The following PXDNL variants were observed in gnomAD, a reference collection of about 807,000 sequenced individuals.
PXDNL encodes the protein peroxidasin like.
PXDNL carries 145 observed loss-of-function variants against 150.8 expected under a neutral mutation model. The observed-to-expected ratio is 0.96, with a 90% CI of 0.84 to 1.10. The LOEUF is 1.10. Among genes scored for constraint, PXDNL ranks in the 50% least tolerant of loss-of-function variants. PXDNL has a pLI of 0.00. For synonymous variants in PXDNL, 757 were observed against 725.7 expected, an observed-to-expected ratio of 1.04 and a Z score of -0.69; for missense variants, 2,087 against 1,873.9, an observed-to-expected ratio of 1.11 and a Z score of -2.10.
At chr8:51,651,456 C>A (rs1815034727) in intron 2 of PXDNL, among the ~76,000 whole-genome samples, 1 of 152,122 alleles carries the variant, frequency 6.6e-6, no homozygotes, top group African/African-American at 2.4e-5. Flanking sequence ...AGTTAAATAA[C>A]TTGCCACACT....
chr8:51,616,658 C>T lies in PXDNL; in HGVS notation c.237-23960G>A, dbSNP rs574008716. Among the ~76,000 whole-genome samples the T allele has an allele frequency of 3.3e-5, 5 of 152,312 alleles. No individual in the cohort carries two copies. The East Asian group carries it at 5.8e-4, about 18-fold the overall frequency. ...TGTATACTTTCAGTACTCCTGTATACTTTAAATCATCTCTAGATTACTTAA... is the reference window on the plus strand; with the variant it reads ...TGTATACTTTCAGTACTCCTGTATATTTTAAATCATCTCTAGATTACTTAA... On this transcript the variant is annotated intron_variant, in intron 2 of 22. Transcript: ENST00000356297.
At chr8:51,568,757 T>C (rs370702231) in intron 3 of PXDNL, among the ~76,000 whole-genome samples, 2 of 151,872 alleles carry the variant, frequency 1.3e-5, no homozygotes, top group African/African-American at 4.8e-5. Flanking sequence ...TTTGTTATTA[T>C]CCTGCCTTTC....
intron 12 of PXDNL, among the ~76,000 whole-genome samples, chr8:51,440,186 C>G (rs1391972576): frequency 1.3e-5 from 2 of 151,912 alleles, no homozygotes; most frequent in African/African-American, 4.8e-5. Context: ...GAATGGAAAA[C>G]CAAATATCTT....
intron 1 of PXDNL, among the ~76,000 whole-genome samples, chr8:51,659,933 C>T (rs923780342): frequency 6.6e-6 from 1 of 151,602 alleles, no homozygotes; most frequent in Non-Finnish European, 1.5e-5. Context: ...TCTTGTCGCC[C>T]AGGCTGGAGT....
chr8:51,319,794 C>A lies in PXDNL; in HGVS notation c.*97G>T. The A allele has an allele frequency of 8.7e-7, 1 of 1,144,476 alleles. No homozygotes were observed. The allele number at this position is 1,144,476 out of a possible 1,614,324, so 70.9% of individuals were successfully genotyped here. A position where few individuals can be genotyped will look rare whatever the true frequency, so the allele number is the denominator to read the frequency against. On this transcript the variant is annotated 3_prime_UTR_variant, in exon 23 of 23. Transcript: ENST00000356297. Reference sequence around the variant, plus strand: ...CTAAGTTGCTTAAGTCAGTGGTTTCCATATCAACAATGTGACTACAAGTTA... The same window carrying A: ...CTAAGTTGCTTAAGTCAGTGGTTTCAATATCAACAATGTGACTACAAGTTA...
intron 5 of PXDNL, among the ~76,000 whole-genome samples, chr8:51,493,223 T>C (rs1317994248): frequency 6.6e-6 from 1 of 152,194 alleles, no homozygotes; most frequent in Admixed American, 6.5e-5. Context: ...CTGAGGGTCC[T>C]GACTGTTAGA....
At chr8:51,714,333 T>C (rs1316040844) in intron 1 of PXDNL, among the ~76,000 whole-genome samples, 9 of 152,246 alleles carry the variant, frequency 5.9e-5, no homozygotes, top group African/African-American at 2.2e-4. Flanking sequence ...GTAATATTGC[T>C]GCGCTATTAT....
In PXDNL at chr8:51,345,878, C is replaced by A. The variant is rs1806138369; in HGVS notation, c.3971G>T (p.Ser1324Ile). Residue 1324 changes from serine (S) to isoleucine (I), a missense_variant, in exon 20 of 23, where the codon AGC (serine) becomes ATC (isoleucine). Coordinates refer to ENST00000356297, the MANE Select transcript of PXDNL (RefSeq NM_144651.5). ...CTCCATATCCTTATCAACAGGATAG[C>A]TGTATTGAGCTGAGCGTTTCTTTTG... ...ESQKKRSAQYSYPVDKDMELS... is the reference protein window; with the variant it reads ...ESQKKRSAQYIYPVDKDMELS... 6.2e-7 allele frequency: 1 copy of A among 1,613,550 alleles called. No individual in the cohort carries two copies. Among genetic ancestry groups the A allele is most frequent in the Admixed American group, 1.7e-5 (1 of 60,016 alleles).
intron 19 of PXDNL, among the ~76,000 whole-genome samples, chr8:51,352,030 C>T (rs947130876): frequency 2.0e-5 from 3 of 152,074 alleles, no homozygotes; most frequent in African/African-American, 7.2e-5. Flanking sequence ...TCTGCTCTCA[C>T]TGAAGAAAAG....
chr8:51,591,389 G>A (rs1045482050), intron 3 of PXDNL, among the ~76,000 whole-genome samples: 5 of 152,164 alleles, frequency 3.3e-5, no homozygotes, highest in Admixed American at 3.3e-4. Flanking sequence ...AGCTGTGGGA[G>A]ACCTCTATGT....
chr8:51,465,130 T>C (rs955012406), intron 8 of PXDNL, among the ~76,000 whole-genome samples: 1 of 152,106 alleles, frequency 6.6e-6, no homozygotes. Context: ...GTATCCCTGA[T>C]AAACATAAAT....
chr8:51,414,532 T>C lies in PXDNL; in HGVS notation c.1796-1274A>G, dbSNP rs1430140587. Among the ~76,000 whole-genome samples, 9 of 151,604 alleles carry C rather than the reference T, an allele frequency of 5.9e-5. No homozygotes were observed. The East Asian group carries it at 1.7e-3, about 29-fold the overall frequency. On this transcript the variant is annotated intron_variant, in intron 14 of 22. Coordinates refer to ENST00000356297, the MANE Select transcript of PXDNL (RefSeq NM_144651.5). ...TAGGGTGGCTCCACTGTCAAGTCAT[T>C]GCAGCCTTTATGATGACCACAAGAT...
chr8:51,563,554 G>A (rs1344518426), intron 3 of PXDNL, among the ~76,000 whole-genome samples: 1 of 151,962 alleles, frequency 6.6e-6, no homozygotes, highest in Non-Finnish European at 1.5e-5. Flanking sequence ...ATTGAATAGA[G>A]AGAAAAGAAT....
At chr8:51,495,657 T>C (rs1021092878) in intron 5 of PXDNL, among the ~76,000 whole-genome samples, 2 of 152,078 alleles carry the variant, frequency 1.3e-5, no homozygotes, top group African/African-American at 4.8e-5. Flanking sequence ...AACACCTCTA[T>C]GCAAATAAAC....
chr8:51,794,964 A>G (rs1047771615), intron 1 of PXDNL, among the ~76,000 whole-genome samples: 9 of 152,186 alleles, frequency 5.9e-5, no homozygotes, highest in African/African-American at 2.2e-4. Context: ...AGGAAAATTT[A>G]CTAAGAAAAT....
At chr8:51,591,568 CTTAA>C (rs1813444567) in intron 3 of PXDNL, among the ~76,000 whole-genome samples, 2 of 141,014 alleles carry the variant, frequency 1.4e-5, no homozygotes, top group African/African-American at 2.5e-5. Context: ...TAGCAGTATG[CTTAA>C]TTAATCTGCA....
At chr8:51,745,085 T>C (rs914002506) in intron 1 of PXDNL, among the ~76,000 whole-genome samples, 2 of 152,198 alleles carry the variant, frequency 1.3e-5, no homozygotes, top group African/African-American at 2.4e-5. Context: ...TGTTAGTTAA[T>C]TTTAAGATGG....
chr8:51,415,293 A>G (rs1473224436), intron 14 of PXDNL, among the ~76,000 whole-genome samples: 1 of 152,170 alleles, frequency 6.6e-6, no homozygotes, highest in Non-Finnish European at 1.5e-5. Flanking sequence ...ACTACCTGAG[A>G]CTGTGTAATT....
chr8:51,804,648 T>A (rs546644593), intron 1 of PXDNL, among the ~76,000 whole-genome samples: 1 of 152,276 alleles, frequency 6.6e-6, no homozygotes, highest in East Asian at 1.9e-4. Context: ...TTGCGGCTAC[T>A]CCCCACAAAG....
Sources: gnomAD v4.1 joint callset for allele counts (sites outside exome capture counted in the v4.1 genomes callset) on GRCh38, gnomAD v4.1.1 for gene constraint, MANE v1.5 for transcripts, NCBI Gene and HGNC (gene_info 2026-07-23, HGNC 2026-07-21) for gene names.